ATP6V1C2: variants seen among roughly 807,000 people sequenced by gnomAD.
ATP6V1C2 encodes the protein ATPase H+ transporting V1 subunit C2, also known as V-type proton ATPase subunit C 2.
ATP6V1C2 carries 45 observed loss-of-function variants against 56.8 expected under a neutral mutation model. The observed-to-expected ratio is 0.79, with a 90% CI of 0.62 to 1.02. ATP6V1C2 has a LOEUF of 1.02. ATP6V1C2 is among the 50% of genes least tolerant of loss of function. ATP6V1C2 has a pLI of 0.00. For missense variants in ATP6V1C2, 463 were observed against 519.7 expected (o/e 0.89, Z 1.06); for synonymous variants, 220 against 201.3 (o/e 1.09, Z -0.79).
At chr2:10,764,843 C>T (rs1664129002) in intron 5 of ATP6V1C2, among the ~76,000 whole-genome samples, 1 of 152,076 alleles carries the variant, frequency 6.6e-6, no homozygotes, top group Admixed American at 6.6e-5. Context: ...TGGTGGCGCA[C>T]ACCTGTAGTC....
intron 1 of ATP6V1C2, among the ~76,000 whole-genome samples, 175 bp downstream of exon 1, chr2:10,721,906 G>A (rs970789332): frequency 3.3e-5 from 5 of 152,260 alleles, no homozygotes; most frequent in East Asian, 3.8e-4. Context: ...CGGCGGGCCA[G>A]TTCGTCCCCA....
intron 4 of ATP6V1C2, among the ~76,000 whole-genome samples, chr2:10,759,445 G>A (rs1008953931): frequency 2.0e-5 from 3 of 152,132 alleles, no homozygotes; most frequent in Non-Finnish European, 4.4e-5. Context: ...GCTGCCTGCC[G>A]GGCAGGCCTC....
In ATP6V1C2 at chr2:10,777,707, T is replaced by A. The variant is rs749336474; in HGVS notation, c.948T>A (p.Ser316Arg). The change falls in exon 11 of 14, where the codon AGT (serine) becomes AGA (arginine). Residue 316 changes from serine (S) to arginine (R), a missense_variant. By Grantham distance (110) the Ser-to-Arg change is moderately radical. Transcript: ENST00000272238. ...GGCAGACCGACAGAGAGAGAGAGAGTGAGGGCGAGGGTGAGGTAAGCAACG... is the reference window on the plus strand; with the variant it reads ...GGCAGACCGACAGAGAGAGAGAGAGAGAGGGCGAGGGTGAGGTAAGCAACG... ...AAGQTDRERE[S>R]EGEGEGPLLR... 143 of 1,609,608 alleles carry A rather than the reference T, an allele frequency of 8.9e-5. No individual in the cohort carries two copies. Among genetic ancestry groups the A allele is most frequent in the Non-Finnish European group, 1.2e-4 (137 of 1,178,398 alleles).
rs548077492 is a variant in ATP6V1C2 at position 10,766,055 on chromosome 2, G to A, written c.378+1630G>A. 2.5e-3 allele frequency among the ~76,000 whole-genome samples: 376 copies of A among 152,330 alleles called. 2 individuals carry two copies. The highest frequency in any genetic ancestry group is 8.7e-3 in the African/African-American group (362 of 41,570). On this transcript the variant is annotated intron_variant, in intron 5 of 13. Transcript: ENST00000272238. Reference sequence around the variant, plus strand: ...TGAGTGCAGAAGAGGAAGCTGAGGGGTTGAGCGAGCGATCCAGGACCTGCA... The same window carrying A: ...TGAGTGCAGAAGAGGAAGCTGAGGGATTGAGCGAGCGATCCAGGACCTGCA...
intron 5 of ATP6V1C2, among the ~76,000 whole-genome samples, 177 bp from the exon 6 acceptor site, chr2:10,768,542 G>T (rs894436657): frequency 1.3e-5 from 2 of 152,230 alleles, no homozygotes; most frequent in African/African-American, 4.8e-5. Flanking sequence ...TGGCGCCTGG[G>T]TGCCACACAG....
At chr2:10,743,707 G>A (rs1042057130) in intron 3 of ATP6V1C2, among the ~76,000 whole-genome samples, 10 of 151,502 alleles carry the variant, frequency 6.6e-5, no homozygotes, top group African/African-American at 2.2e-4. Flanking sequence ...AAATTAGACC[G>A]GGCGAGGTGG....
At chr2:10,768,256 A>C (rs1232546227) in intron 5 of ATP6V1C2, 1 of 157,746 alleles carries the variant, frequency 6.3e-6, no homozygotes, top group Admixed American at 6.2e-5. Context: ...GCGTGGCTTG[A>C]GCCCAGGCCT....
chr2:10,779,679 C>T (rs1353369581), intron 12 of ATP6V1C2, among the ~76,000 whole-genome samples: 9 of 124,496 alleles, frequency 7.2e-5, no homozygotes, highest in South Asian at 2.8e-4. Flanking sequence ...AGAGAAACTC[C>T]GGCTATAGAA....
chr2:10,751,630 A>T (rs1369160500), intron 3 of ATP6V1C2, among the ~76,000 whole-genome samples: 1 of 152,162 alleles, frequency 6.6e-6, no homozygotes, highest in Non-Finnish European at 1.5e-5. Context: ...TGGAGTCCAC[A>T]TAACGACTGG....
intron 11 of ATP6V1C2, among the ~76,000 whole-genome samples, chr2:10,777,942 TC>T (rs77979706): frequency 0.26 from 39,040 of 151,628 alleles, 5,743 homozygotes; most frequent in East Asian, 0.4. Context: ...AGGGCGCCTC[TC>T]CCCGGGCGCC....
Position 10,777,627 on chromosome 2 carries a change from C to T in ATP6V1C2, c.868C>T (p.Pro290Ser), listed in dbSNP as rs773207024. The T allele has an allele frequency of 1.2e-6, 2 of 1,614,118 alleles. No individual in the cohort carries two copies. The highest frequency in any genetic ancestry group is 3.3e-5 in the Admixed American group (2 of 60,014). ...TCTTAAAAAGGGATCATCCACCTTCCCGGACCACAAGGTTAAGGTAACCCC... is the reference window on the plus strand; with the variant it reads ...TCTTAAAAAGGGATCATCCACCTTCTCGGACCACAAGGTTAAGGTAACCCC... ...VALKKGSSTFPDHKVKVTPLG... is the reference protein window; with the variant it reads ...VALKKGSSTFSDHKVKVTPLG... The change falls in exon 11 of 14, where the codon CCG becomes TCG. Residue 290 changes from proline to serine, a missense_variant. Pro to Ser is a moderately conservative substitution (Grantham distance 74). Coordinates refer to ENST00000272238, the MANE Select transcript of ATP6V1C2 (RefSeq NM_001039362.2).
At chr2:10,735,220 A>G (rs1487781183) in intron 3 of ATP6V1C2, among the ~76,000 whole-genome samples, 1 of 152,104 alleles carries the variant, frequency 6.6e-6, no homozygotes, top group Non-Finnish European at 1.5e-5. Flanking sequence ...CCCAGGCTGG[A>G]GTGCAGTAGC....
At chr2:10,729,380 T>G (rs1572502730) in intron 3 of ATP6V1C2, among the ~76,000 whole-genome samples, 1 of 151,958 alleles carries the variant, frequency 6.6e-6, no homozygotes, top group South Asian at 2.1e-4. Flanking sequence ...GCCAGGCTGG[T>G]CTCGAACTCC....
chr2:10,775,476 C>G (rs1280288362), intron 10 of ATP6V1C2, among the ~76,000 whole-genome samples: 2 of 152,206 alleles, frequency 1.3e-5, no homozygotes, highest in African/African-American at 4.8e-5. Flanking sequence ...GCGGGAGCAT[C>G]TGTGTGCAGG....
intron 1 of ATP6V1C2, 165 bp from the exon 2 acceptor site, chr2:10,722,659 T>C: frequency 1.4e-6 from 1 of 712,822 alleles, no homozygotes; most frequent in Non-Finnish European, 2.2e-6. Context: ...CGGGAACACC[T>C]GAGGGCTGCC....
chr2:10,745,583 C>T (rs1039196766), intron 3 of ATP6V1C2, among the ~76,000 whole-genome samples: 1 of 151,974 alleles, frequency 6.6e-6, no homozygotes, highest in African/African-American at 2.4e-5. Context: ...TCAAGTGATC[C>T]ACCTACCTCT....
At position 10,743,981 on chromosome 2, in the gene ATP6V1C2, CAAAAAAAAA is replaced by C. The variant is rs61311440; in HGVS notation, c.198-9992_198-9984del. Among the ~76,000 whole-genome samples, 43 of 90,710 alleles carry C rather than the reference CAAAAAAAAA, an allele frequency of 4.7e-4. 1 individual carries two copies. The East Asian group carries it at 8.4e-3, about 18-fold the overall frequency. 59.5% of individuals were successfully genotyped at this position (90,710 alleles called of 152,430 possible). A position where few individuals can be genotyped will look rare whatever the true frequency, so the allele number is the denominator to read the frequency against. ...CCTGGGCAACAGCGAGATTCAGTCT[CAAAAAAAAA>C]AAAAAAATAATAATAATAAATAAAT... On this transcript the variant is annotated intron_variant, in intron 3 of 13. Coordinates refer to ENST00000272238, the MANE Select transcript of ATP6V1C2 (RefSeq NM_001039362.2).
intron 3 of ATP6V1C2, among the ~76,000 whole-genome samples, chr2:10,746,014 T>A (rs1430845581): frequency 6.6e-6 from 1 of 152,228 alleles, no homozygotes; most frequent in Non-Finnish European, 1.5e-5. Context: ...CAGCTATTGA[T>A]GGATGCTTGG....
chr2:10,760,029 T>TG (rs1179047899), intron 4 of ATP6V1C2, among the ~76,000 whole-genome samples: 4 of 95,524 alleles, frequency 4.2e-5, no homozygotes, highest in Non-Finnish European at 6.0e-5. Context: ...TTTTGTTTTT[T>TG]GTTTTTTTTT....
Sources: gnomAD v4.1 joint callset for allele counts (sites outside exome capture counted in the v4.1 genomes callset) on GRCh38, gnomAD v4.1.1 for gene constraint, MANE v1.5 for transcripts, NCBI Gene and HGNC (gene_info 2026-07-23, HGNC 2026-07-21) for gene names.